Variants in SYTL2 observed in about 807,000 individuals in gnomAD.
The protein encoded by SYTL2 is synaptotagmin-like protein 2.
SYTL2 carries 165 observed loss-of-function variants against 198.7 expected under a neutral mutation model. The observed-to-expected ratio is 0.83, with a 90% CI of 0.73 to 0.94. The LOEUF is 0.94. Ranked by LOEUF, SYTL2 falls within the 40% of genes least tolerant of loss-of-function variation. SYTL2 has a pLI of 0.00. For synonymous variants in SYTL2, 966 were observed against 917.7 expected (o/e 1.05, Z -0.95); for missense variants, 2,835 against 2,582.8 (o/e 1.10, Z -2.12).
chr11:85,806,814 G>C (rs1365283739), intron 1 of SYTL2, among the ~76,000 whole-genome samples: 3 of 152,322 alleles, frequency 2.0e-5, no homozygotes, highest in African/African-American at 7.2e-5. Flanking sequence ...AAGACAAGAA[G>C]GACCCTCATC....
At chr11:85,850,392 A>C in the SYTL2 span, among the ~76,000 whole-genome samples, 1 of 152,160 alleles carries the variant, frequency 6.6e-6, no homozygotes. Context: ...TCTCAAAAGA[A>C]GACATTTATG....
intron 14 of SYTL2, chr11:85,708,006 C>G: frequency 3.2e-6 from 1 of 313,938 alleles, no homozygotes; most frequent in South Asian, 2.3e-5. Context: ...ACACACAGAG[C>G]TACAAAGTTA....
At chr11:85,833,102 G>GAAAGAAA in the SYTL2 span, among the ~76,000 whole-genome samples, 3 of 28,238 alleles carry the variant, frequency 1.1e-4, no homozygotes, top group East Asian at 9.0e-4. Flanking sequence ...AAAGAAAGAA[G>GAAAGAAA]GAAGGAAGGA....
intron 12 of SYTL2, among the ~76,000 whole-genome samples, chr11:85,712,039 G>C (rs1359416522): frequency 1.3e-5 from 2 of 152,138 alleles, no homozygotes; most frequent in Non-Finnish European, 2.9e-5. Context: ...TTATGATTCA[G>C]AGTGAGCTCC....
intron 10 of SYTL2, chr11:85,718,238 A>C (rs1470134197): frequency 6.1e-6 from 1 of 163,888 alleles, no homozygotes; most frequent in Non-Finnish European, 1.3e-5. Context: ...GTAATACCTG[A>C]TCCACTGACA....
At position 85,696,170 on chromosome 11, in the gene SYTL2, T is replaced by C; in HGVS notation, c.6574+13A>G. 1 of 1,612,910 alleles carries C rather than the reference T, an allele frequency of 6.2e-7. No homozygotes were observed. Among genetic ancestry groups the C allele is most frequent in the Non-Finnish European group, 8.5e-7 (1 of 1,179,162 alleles). The stretch of plus-strand genomic sequence containing the variant: ...TTTGGCTCATGGAGAATTAAAAATG[T>C]AGCAAACAGTACCTGTTCCAAAGCC... On this transcript the variant is annotated intron_variant, in intron 19 of 19. Transcript: ENST00000359152.
At chr11:85,718,620 C>G in intron 10 of SYTL2, 170 bp downstream of exon 10, 1 of 622,788 alleles carries the variant, frequency 1.6e-6, no homozygotes, top group South Asian at 2.0e-5. Flanking sequence ...AGAATACAAA[C>G]TATATTAAAT....
chr11:85,829,062 T>C, the SYTL2 span, among the ~76,000 whole-genome samples: 6 of 141,162 alleles, frequency 4.3e-5, no homozygotes, highest in African/African-American at 1.6e-4. Context: ...TTTTTTTTTT[T>C]GTTTGTTTGT....
chr11:85,821,479 G>C, the SYTL2 span, among the ~76,000 whole-genome samples: 1 of 152,226 alleles, frequency 6.6e-6, no homozygotes. Context: ...GTGATTGAGA[G>C]ACACAGGTTC....
chr11:85,730,773 G>A (rs554965205), intron 7 of SYTL2, among the ~76,000 whole-genome samples: 1 of 152,164 alleles, frequency 6.6e-6, no homozygotes, highest in South Asian at 2.1e-4. Context: ...AAAAAAAATG[G>A]TATTCAAATA....
the SYTL2 span, among the ~76,000 whole-genome samples, chr11:85,839,309 T>C: frequency 6.6e-6 from 1 of 152,242 alleles, no homozygotes. Flanking sequence ...AACACTTTAC[T>C]GTCTGCTATC....
intron 9 of SYTL2, among the ~76,000 whole-genome samples, chr11:85,719,779 TG>T (rs892241368): frequency 6.6e-6 from 1 of 152,214 alleles, no homozygotes; most frequent in African/African-American, 2.4e-5. Context: ...TTCAAACCCC[TG>T]GGAATCTGTG....
the SYTL2 span, among the ~76,000 whole-genome samples, chr11:85,824,304 G>A: frequency 2.6e-5 from 4 of 152,088 alleles, no homozygotes; most frequent in Non-Finnish European, 4.4e-5. Flanking sequence ...GTTTGTGCAG[G>A]ATGGGTATTA....
At chr11:85,776,908 T>C (rs774812340) in intron 1 of SYTL2, among the ~76,000 whole-genome samples, 5 of 152,158 alleles carry the variant, frequency 3.3e-5, no homozygotes, top group Non-Finnish European at 4.4e-5. Context: ...GGGGTGTATT[T>C]AAGTGTCAGC....
At chr11:85,751,433 T>C (rs1182072110) in intron 2 of SYTL2, among the ~76,000 whole-genome samples, 2 of 152,202 alleles carry the variant, frequency 1.3e-5, no homozygotes, top group Non-Finnish European at 2.9e-5. Context: ...CATTTGATTC[T>C]CTAATTATCG....
At chr11:85,752,937 A>AC (rs2091614553) in intron 2 of SYTL2, among the ~76,000 whole-genome samples, 2 of 141,598 alleles carry the variant, frequency 1.4e-5, no homozygotes, top group South Asian at 2.4e-4. Context: ...AAAAAAAAAA[A>AC]AAAAAAAAAA....
At chr11:85,833,011 A>AAAG in the SYTL2 span, among the ~76,000 whole-genome samples, 6 of 48,178 alleles carry the variant, frequency 1.2e-4, 1 homozygote, top group Non-Finnish European at 1.6e-4. Flanking sequence ...AAAAAGAAAG[A>AAAG]AAAGAAAGAA....
rs185964754 is a variant in SYTL2 at position 85,695,103 on chromosome 11, A to G, written c.*92T>C. Reference sequence around the variant, plus strand: ...AGTATTCCTTAGGTGCAATAGATAGAAAGTGAGGATATTTGTCCACCTACT... The same window carrying G: ...AGTATTCCTTAGGTGCAATAGATAGGAAGTGAGGATATTTGTCCACCTACT... On this transcript the variant is annotated 3_prime_UTR_variant, in exon 20 of 20. Coordinates refer to ENST00000359152, the MANE Select transcript of SYTL2 (RefSeq NM_206927.4). 4.4e-6 allele frequency: 6 copies of G among 1,358,048 alleles called. No homozygotes were observed. The Admixed American group carries it at 1.3e-4, about 29-fold the overall frequency. 84.1% of individuals were successfully genotyped at this position (1,358,048 alleles called of 1,614,324 possible). A position where few individuals can be genotyped will look rare whatever the true frequency, so the allele number is the denominator to read the frequency against.
At chr11:85,792,136 G>C (rs1280343747) in intron 1 of SYTL2, among the ~76,000 whole-genome samples, 4 of 152,026 alleles carry the variant, frequency 2.6e-5, no homozygotes. Context: ...TCCAGGGAAA[G>C]CCTATTGCTC....
Sources: gnomAD v4.1 joint callset for allele counts (sites outside exome capture counted in the v4.1 genomes callset) on GRCh38, gnomAD v4.1.1 for gene constraint, MANE v1.5 for transcripts, NCBI Gene and HGNC (gene_info 2026-07-23, HGNC 2026-07-21) for gene names.